The following EXOC4 variants were observed in gnomAD, a reference collection of about 807,000 sequenced individuals.
EXOC4 encodes SEC8-like 1.
EXOC4 carries 71 observed loss-of-function variants against 107.2 expected under a neutral mutation model. That is an observed-to-expected ratio of 0.66 (90% confidence interval 0.55 to 0.81). The LOEUF (loss-of-function observed/expected upper bound fraction) is 0.81, where lower values mean the gene tolerates loss of function less well. EXOC4 is among the 30% of genes least tolerant of loss of function. The pLI, the probability that EXOC4 is intolerant of heterozygous loss-of-function variation, is 0.00. For synonymous variants in EXOC4, 456 were observed against 441.2 expected, an observed-to-expected ratio of 1.03 and a Z score of -0.42; for missense variants, 1,108 against 1,189.6, an observed-to-expected ratio of 0.93 and a Z score of 1.01.
At chr7:133,931,368 T>C (rs949728904) in intron 13 of EXOC4, among the ~76,000 whole-genome samples, 2 of 152,184 alleles carry the variant, frequency 1.3e-5, no homozygotes, top group South Asian at 2.1e-4. Flanking sequence ...TGGATTCAAA[T>C]AAGAGAAAGG....
intron 10 of EXOC4, among the ~76,000 whole-genome samples, chr7:133,651,094 T>C (rs1393724775): frequency 6.6e-6 from 1 of 152,002 alleles, no homozygotes; most frequent in Non-Finnish European, 1.5e-5. Flanking sequence ...GGAAGAAAAG[T>C]CATACACCAC....
At chr7:133,966,392 C>T (rs1246124327) in intron 14 of EXOC4, among the ~76,000 whole-genome samples, 2 of 152,270 alleles carry the variant, frequency 1.3e-5, no homozygotes, top group East Asian at 3.9e-4. Flanking sequence ...AGAGGGCATC[C>T]TTGTCTTGTG....
chr7:133,478,693 C>T (rs760233080), intron 8 of EXOC4, among the ~76,000 whole-genome samples: 1 of 152,142 alleles, frequency 6.6e-6, no homozygotes, highest in Non-Finnish European at 1.5e-5. Flanking sequence ...TTACCCTTAG[C>T]TAAGGTTAAT....
intron 7 of EXOC4, among the ~76,000 whole-genome samples, chr7:133,403,343 C>T (rs1162307549): frequency 6.6e-6 from 1 of 152,184 alleles, no homozygotes; most frequent in Non-Finnish European, 1.5e-5. Flanking sequence ...GTAGTCATGA[C>T]TCCTGTCTTT....
chr7:133,390,429 A>C (rs1036698814), intron 7 of EXOC4, among the ~76,000 whole-genome samples: 1 of 152,144 alleles, frequency 6.6e-6, no homozygotes, highest in African/African-American at 2.4e-5. Context: ...TGGAGATTCC[A>C]CTGGGGATGT....
chr7:134,100,197 T>C, the EXOC4 span, among the ~76,000 whole-genome samples: 1 of 152,052 alleles, frequency 6.6e-6, no homozygotes, highest in African/African-American at 2.4e-5. Flanking sequence ...GGGGGAAATT[T>C]GGAGACAGAC....
intron 7 of EXOC4, among the ~76,000 whole-genome samples, chr7:133,404,629 T>C (rs533554268): frequency 1.2e-4 from 18 of 152,258 alleles, no homozygotes; most frequent in Admixed American, 5.9e-4. Context: ...GTCATTGCCT[T>C]TTCTTGGCTC....
intron 9 of EXOC4, among the ~76,000 whole-genome samples, chr7:133,489,499 C>G (rs11505977): frequency 0.078 from 11,869 of 152,172 alleles, 1,550 homozygotes; most frequent in African/African-American, 0.27. Context: ...TGAACTACCC[C>G]TGAACGAGTA....
chr7:133,524,465 T>C (rs1351499055), intron 9 of EXOC4, among the ~76,000 whole-genome samples: 2 of 117,352 alleles, frequency 1.7e-5, no homozygotes, highest in Admixed American at 1.8e-4. Context: ...TTTGTCAATT[T>C]TGGCTTTTGT....
intron 10 of EXOC4, among the ~76,000 whole-genome samples, chr7:133,761,880 C>T (rs1266768430): frequency 6.6e-6 from 1 of 152,130 alleles, no homozygotes; most frequent in East Asian, 1.9e-4. Context: ...TGGCTTATGC[C>T]AGTGAAGTGG....
At chr7:133,742,445 T>C (rs925291148) in intron 10 of EXOC4, among the ~76,000 whole-genome samples, 8 of 152,194 alleles carry the variant, frequency 5.3e-5, no homozygotes, top group South Asian at 2.1e-4. Flanking sequence ...TTTACTGAAT[T>C]ATGTTTGCTT....
chr7:133,513,736 G>T (rs1799817921), intron 9 of EXOC4, among the ~76,000 whole-genome samples: 1 of 152,110 alleles, frequency 6.6e-6, no homozygotes, highest in Non-Finnish European at 1.5e-5. Context: ...GTTGCTCTTT[G>T]TAAAGTTAAA....
At chr7:133,709,457 T>C (rs1253904816) in intron 10 of EXOC4, among the ~76,000 whole-genome samples, 2 of 152,166 alleles carry the variant, frequency 1.3e-5, no homozygotes, top group African/African-American at 4.8e-5. Flanking sequence ...TTTAGACACC[T>C]TGTTTGTTAT....
intron 11 of EXOC4, among the ~76,000 whole-genome samples, chr7:133,856,633 C>A (rs1249561757): frequency 6.6e-6 from 1 of 152,104 alleles, no homozygotes; most frequent in Non-Finnish European, 1.5e-5. Flanking sequence ...TCTTAGATAT[C>A]ATTTACATTT....
intron 14 of EXOC4, among the ~76,000 whole-genome samples, chr7:133,957,764 C>G (rs1358040126): frequency 1.3e-5 from 2 of 152,186 alleles, no homozygotes; most frequent in African/African-American, 4.8e-5. Flanking sequence ...CAGTAATATA[C>G]TCAGAAGGCC....
At chr7:133,577,046 A>G (rs936112395) in intron 9 of EXOC4, among the ~76,000 whole-genome samples, 1 of 152,180 alleles carries the variant, frequency 6.6e-6, no homozygotes, top group Non-Finnish European at 1.5e-5. Context: ...ACTTGTAGGT[A>G]CAGAAGCTTC....
At chr7:133,848,226 C>CT (rs1798172184) in intron 11 of EXOC4, among the ~76,000 whole-genome samples, 1 of 152,130 alleles carries the variant, frequency 6.6e-6, no homozygotes, top group South Asian at 2.1e-4. Context: ...TGAAAGGAGC[C>CT]TTTTTGCCTG....
downstream of EXOC4, among the ~76,000 whole-genome samples, chr7:134,067,636 TATAC>T (rs1162016884): frequency 1.3e-3 from 169 of 129,114 alleles, 2 homozygotes; most frequent in Admixed American, 1.9e-3. Context: ...TATATATATA[TATAC>T]ACACACACAC....
At chr7:133,766,835 A>G (rs907382376) in intron 10 of EXOC4, among the ~76,000 whole-genome samples, 27 of 151,996 alleles carry the variant, frequency 1.8e-4, no homozygotes, top group African/African-American at 6.5e-4. Flanking sequence ...TACTTAGTAT[A>G]TGTGTAAGCT....
Sources: gnomAD v4.1 joint callset for allele counts (sites outside exome capture counted in the v4.1 genomes callset) on GRCh38, gnomAD v4.1.1 for gene constraint, MANE v1.5 for transcripts, NCBI Gene and HGNC (gene_info 2026-07-23, HGNC 2026-07-21) for gene names.